SP8: variants seen among roughly 807,000 people sequenced by gnomAD.
SP8 encodes the protein Sp8 transcription factor.
SP8 carries 7 observed loss-of-function variants against 15.3 expected under a neutral mutation model. That is an observed-to-expected ratio of 0.46 (90% CI 0.26 to 0.86). The LOEUF (loss-of-function observed/expected upper bound fraction) is 0.86, where lower values mean the gene tolerates loss of function less well. Ranked by LOEUF, SP8 falls within the 40% of genes least tolerant of loss-of-function variation. The probability of loss-of-function intolerance (pLI) is 0.16; values close to 1 mark genes in which losing one functional copy is unlikely to be tolerated. For missense variants in SP8, 731 were observed against 736.4 expected, an observed-to-expected ratio of 0.99 and a Z score of 0.09; for synonymous variants, 415 against 356.3, an observed-to-expected ratio of 1.16 and a Z score of -1.86.
chr7:20,785,527 G>GGGGGCCCC lies in SP8; in HGVS notation c.289_290insGGGGCCCC (p.Ala97GlyfsTer183). 7.3e-7 allele frequency: 1 copy of GGGGGCCCC among 1,378,508 alleles called. No individual in the cohort carries two copies. Among genetic ancestry groups the GGGGGCCCC allele is most frequent in the Non-Finnish European group, 9.4e-7 (1 of 1,066,772 alleles). 85.4% of individuals were successfully genotyped at this position (1,378,508 alleles called of 1,614,324 possible). A position where few individuals can be genotyped will look rare whatever the true frequency, so the allele number is the denominator to read the frequency against. On this transcript the variant is annotated frameshift_variant, in exon 2 of 2. Coordinates refer to ENST00000418710, the MANE Select transcript of SP8 (RefSeq NM_182700.6). LOFTEE classifies it low-confidence loss of function (END_TRUNC). This position sits in a 1 kb window ranked among gnomAD's most constrained non-coding sequence, Gnocchi z 7.2. ...GAACGAGTCGGACACCAGGGCCGCG[G>GGGGGCCCC]CAGCCGCGGCTGCTGCCGCGGCCGC... is the stretch of plus-strand genomic sequence containing the variant.
In SP8 at chr7:20,786,512, A is replaced by T. The variant is rs190774204; in HGVS notation, c.21+266T>A. 6.6e-6 allele frequency among the ~76,000 whole-genome samples: 1 copy of T among 152,202 alleles called. No homozygotes were observed. The highest frequency in any genetic ancestry group is 1.5e-5 in the Non-Finnish European group (1 of 68,012). On this transcript the variant is annotated intron_variant, in intron 1 of 1. Coordinates refer to ENST00000418710, the MANE Select transcript of SP8 (RefSeq NM_182700.6). This position sits in a 1 kb window ranked among gnomAD's most constrained non-coding sequence, Gnocchi z 4.4. ...GGTGCCTGTAAAATGGGCTGGACGC[A>T]GGTCTCCCGGGCAGGGAGCAGCGAG...
In SP8 at chr7:20,786,814, T is replaced by A. The variant is rs774886132; in HGVS notation, c.-16A>T. 5 of 1,608,930 alleles carry A rather than the reference T, an allele frequency of 3.1e-6. No homozygotes were observed. The highest frequency in any genetic ancestry group is 4.3e-6 in the Non-Finnish European group (5 of 1,175,288). ...AAGTTGCCATCACACAAAAGTGCCC[T>A]CCTCCTCTCAGAGGATCTTTTTTAT... is the stretch of plus-strand genomic sequence containing the variant. On this transcript the variant is annotated 5_prime_UTR_variant, in exon 1 of 2. Transcript: ENST00000418710. The surrounding 1 kb of genome is among the most constrained non-coding windows in gnomAD (Gnocchi z 4.4).
Position 20,785,517 on chromosome 7 carries a change from C to T in SP8, c.300G>A (p.Leu100=), listed in dbSNP as rs1431061137. The T allele has an allele frequency of 4.1e-6, 6 of 1,461,346 alleles. No homozygotes were observed. In the East Asian group the frequency reaches 1.1e-4, roughly 26 times the overall value. 90.5% of individuals were successfully genotyped at this position (1,461,346 alleles called of 1,614,324 possible). The change falls in exon 2 of 2, where the codon CTG becomes CTA. Residue 100 remains leucine (L), a synonymous_variant. Coordinates refer to ENST00000418710, the MANE Select transcript of SP8 (RefSeq NM_182700.6). The surrounding 1 kb of genome is among the most constrained non-coding windows in gnomAD (Gnocchi z 7.2). ...CGCCGCAGCTGAACGAGTCGGACAC[C>T]AGGGCCGCGGCAGCCGCGGCTGCTG... ...AAAAAAAAAA[L]VSDSFSCGGS...
Position 20,786,793 on chromosome 7 carries a change from T to C in SP8, c.6A>G (p.Ala2=). 1 of 1,613,568 alleles carries C rather than the reference T, an allele frequency of 6.2e-7. No individual in the cohort carries two copies. Among genetic ancestry groups the C allele is most frequent in the Non-Finnish European group, 8.5e-7 (1 of 1,179,458 alleles). Residue 2 remains alanine, a synonymous_variant, in exon 1 of 2, where the codon GCA becomes GCG. Transcript: ENST00000418710. This position sits in a 1 kb window ranked among gnomAD's most constrained non-coding sequence, Gnocchi z 4.4. ...TGAGACTCACCCCTAGAAGTGAAGT[T>C]GCCATCACACAAAAGTGCCCTCCTC... M[A]TSLLGEEPRL... is the part of the protein sequence containing the mutation.
At position 20,782,379 on chromosome 7, in the gene SP8, G is replaced by A. The variant is rs573624528; in HGVS notation, c.*1911C>T. The A allele has an allele frequency of 1.3e-5, 2 of 152,632 alleles. No homozygotes were observed. The highest frequency in any genetic ancestry group is 4.1e-4 in the South Asian group (2 of 4,820). The allele number at this position is 152,632 out of a possible 1,614,324, so 9.5% of individuals were successfully genotyped here. On this transcript the variant is annotated 3_prime_UTR_variant, in exon 2 of 2. Coordinates refer to ENST00000418710, the MANE Select transcript of SP8 (RefSeq NM_182700.6). Reference sequence around the variant, plus strand: ...CAAATCTAAAATGCTCCAGAGAAAGGCTTTTCATTTCAATGTGAAATATCC... The same window carrying A: ...CAAATCTAAAATGCTCCAGAGAAAGACTTTTCATTTCAATGTGAAATATCC...
At position 20,784,831 on chromosome 7, in the gene SP8, G is replaced by A. The variant is rs1328910673; in HGVS notation, c.986C>T (p.Pro329Leu). Residue 329 changes from proline (P) to leucine (L), a missense_variant, in exon 2 of 2, where the codon CCT becomes CTT. Pro to Leu is a moderately conservative substitution (Grantham distance 98). Coordinates refer to ENST00000418710, the MANE Select transcript of SP8 (RefSeq NM_182700.6). Reference sequence around the variant, plus strand: ...CGGGGAGCCCCCCAGCGGCGCCGAAGGCCCAGCGCTCAACATGGAGCCCCC... The same window carrying A: ...CGGGGAGCCCCCCAGCGGCGCCGAAAGCCCAGCGCTCAACATGGAGCCCCC... Reference protein sequence around the residue: ...GAGGSMLSAGPSAPLGGSPRS... With the variant: ...GAGGSMLSAGLSAPLGGSPRS... The A allele has an allele frequency of 1.3e-6, 2 of 1,524,868 alleles. No individual in the cohort carries two copies. The highest frequency in any genetic ancestry group is 2.5e-5 in the East Asian group (1 of 39,600). The allele number at this position is 1,524,868 out of a possible 1,614,324, so 94.5% of individuals were successfully genotyped here. A position where few individuals can be genotyped will look rare whatever the true frequency, so the allele number is the denominator to read the frequency against.
chr7:20,784,315 G>T lies in SP8; in HGVS notation c.1502C>A (p.Pro501His). The change falls in exon 2 of 2, where the codon CCC (proline) becomes CAC (histidine). Residue 501 changes from proline (P) to histidine (H), a missense_variant. By Grantham distance (77) the Pro-to-His change is moderately conservative (BLOSUM62 -2). Transcript: ENST00000418710. ...TCACTCTAGGCCGTTGCGGTGCCCG[G>T]GCTCGGGGGGCTGCAGCAGCTCTGG... ...HSPELLQPPEPGHRNGLE is the reference protein window; with the variant it reads ...HSPELLQPPEHGHRNGLE The T allele has an allele frequency of 1.3e-6, 2 of 1,501,946 alleles. No homozygotes were observed. Among genetic ancestry groups the T allele is most frequent in the Non-Finnish European group, 1.8e-6 (2 of 1,132,774 alleles). 93.0% of individuals were successfully genotyped at this position (1,501,946 alleles called of 1,614,324 possible). A position where few individuals can be genotyped will look rare whatever the true frequency, so the allele number is the denominator to read the frequency against.
In SP8 at chr7:20,786,076, AAAC is replaced by A; in HGVS notation, c.22-284_22-282del. ...AGAGTTTGACAAGTATTCTCACCTA[AAAC>A]AACACTCTCTTGCACACAAAGCCCC... On this transcript the variant is annotated intron_variant, in intron 1 of 1. Coordinates refer to ENST00000418710, the MANE Select transcript of SP8 (RefSeq NM_182700.6). This position sits in a 1 kb window ranked among gnomAD's most constrained non-coding sequence, Gnocchi z 4.4. 1 of 1,260,706 alleles carries A rather than the reference AAAC, an allele frequency of 7.9e-7. No homozygotes were observed. Among genetic ancestry groups the A allele is most frequent in the South Asian group, 2.0e-5 (1 of 50,238 alleles). 78.1% of individuals were successfully genotyped at this position (1,260,706 alleles called of 1,614,324 possible).
chr7:20,785,799 CGAG>C lies in SP8; in HGVS notation c.22-7_22-5del, dbSNP rs770768556. ...TCGATCCCAACCTCGGTTCTTCCTG[CGAG>C]GAGGAGAGGAGAAGGAGTGGGGGAG... On this transcript the variant is annotated splice_polypyrimidine_tract_variant and splice_region_variant and intron_variant, in intron 1 of 1. Coordinates refer to ENST00000418710, the MANE Select transcript of SP8 (RefSeq NM_182700.6). This position sits in a 1 kb window ranked among gnomAD's most constrained non-coding sequence, Gnocchi z 7.2. The C allele has an allele frequency of 6.6e-6, 10 of 1,509,036 alleles. No homozygotes were observed. In the East Asian group the frequency reaches 1.5e-4, roughly 23 times the overall value. 93.5% of individuals were successfully genotyped at this position (1,509,036 alleles called of 1,614,324 possible). A position where few individuals can be genotyped will look rare whatever the true frequency, so the allele number is the denominator to read the frequency against.
At position 20,784,953 on chromosome 7, in the gene SP8, G is replaced by T; in HGVS notation, c.864C>A (p.His288Gln). The change falls in exon 2 of 2, where the codon CAC (histidine) becomes CAA (glutamine). Residue 288 changes from histidine to glutamine, a missense_variant. This residue lies in a region of SP8 where 586 missense variants were observed against 524.9 expected (regional missense o/e 1.12). Coordinates refer to ENST00000418710, the MANE Select transcript of SP8 (RefSeq NM_182700.6). ...GGTGCTGCCCGGCGGGGCTGAGCAG[G>T]TGCGAGGAGGCGCCGCTGCTGAAGG... Reference protein sequence around the residue: ...HSAFSSGASSHLLSPAGQHLM... With the variant: ...HSAFSSGASSQLLSPAGQHLM... 1.9e-6 allele frequency: 3 copies of T among 1,560,420 alleles called. No individual in the cohort carries two copies. The highest frequency in any genetic ancestry group is 2.6e-6 in the Non-Finnish European group (3 of 1,160,118).
At position 20,784,747 on chromosome 7, in the gene SP8, T is replaced by A; in HGVS notation, c.1070A>T (p.Glu357Val). 1 of 1,585,356 alleles carries A rather than the reference T, an allele frequency of 6.3e-7. No individual in the cohort carries two copies. ...RATCDCPNCQEAERLGPAGAS... is the reference protein window; with the variant it reads ...RATCDCPNCQVAERLGPAGAS... ...CCCGGCAGGGCCCAGCCGCTCTGCC[T>A]CCTGGCAGTTGGGGCAGTCGCAGGT... Residue 357 changes from glutamate to valine, a missense_variant, in exon 2 of 2, where the codon GAG (glutamate) becomes GTG (valine). Physicochemically the swap from Glu to Val is moderately radical, Grantham distance 121. Transcript: ENST00000418710.
In SP8 at chr7:20,785,660, G is replaced by T. The variant is rs1201638492; in HGVS notation, c.157C>A (p.Arg53Ser). The change falls in exon 2 of 2, where the codon CGC (arginine) becomes AGC (serine). Residue 53 changes from arginine to serine, a missense_variant. By Grantham distance (110) the Arg-to-Ser change is moderately radical. Transcript: ENST00000418710. This position sits in a 1 kb window ranked among gnomAD's most constrained non-coding sequence, Gnocchi z 7.2. The part of the protein sequence containing the change: ...SFGKGFHPWK[R>S]SSSSSSASCN... ...CTGGCGGAAGAAGAGGACGAGGAGC[G>T]TTTCCAGGGGTGGAAGCCTTTGCCG... is the stretch of plus-strand genomic sequence containing the variant. The T allele has an allele frequency of 1.2e-6, 2 of 1,613,912 alleles. No individual in the cohort carries two copies. The highest frequency in any genetic ancestry group is 8.5e-7 in the Non-Finnish European group (1 of 1,179,962).
chr7:20,785,827 G>T lies in SP8; in HGVS notation c.22-32C>A. 6.3e-7 allele frequency: 1 copy of T among 1,582,998 alleles called. No homozygotes were observed. The highest frequency in any genetic ancestry group is 1.1e-5 in the South Asian group (1 of 89,588). On this transcript the variant is annotated intron_variant, in intron 1 of 1. Transcript: ENST00000418710. This position sits in a 1 kb window ranked among gnomAD's most constrained non-coding sequence, Gnocchi z 7.2. ...GGAGGAGAGGAGAAGGAGTGGGGGA[G>T]GGGAGGTGGGCAAAGGGCCGGTGGG...
In SP8 at chr7:20,784,124, TACA is replaced by T. The variant is rs1783584061; in HGVS notation, c.*163_*165del. On this transcript the variant is annotated 3_prime_UTR_variant, in exon 2 of 2. Coordinates refer to ENST00000418710, the MANE Select transcript of SP8 (RefSeq NM_182700.6). ...GTTACTTACTTGTCCATATCCCCTT[TACA>T]AAGTTAAGTCACAGAAGGAAGAAGG... 1 of 639,192 alleles carries T rather than the reference TACA, an allele frequency of 1.6e-6. No individual in the cohort carries two copies. The highest frequency in any genetic ancestry group is 1.9e-5 in the African/African-American group (1 of 51,662). 39.6% of individuals were successfully genotyped at this position (639,192 alleles called of 1,614,324 possible).
Position 20,786,033 on chromosome 7 carries a change from C to G in SP8, c.22-238G>C. On this transcript the variant is annotated intron_variant, in intron 1 of 1. Transcript: ENST00000418710. This position sits in a 1 kb window ranked among gnomAD's most constrained non-coding sequence, Gnocchi z 4.4. The stretch of plus-strand genomic sequence containing the variant: ...TGGCTGCCGGCGTCTGATTCGGGAG[C>G]AAGCACCACGCTAAAGAAGAGTTTG... The G allele has an allele frequency of 7.2e-7, 1 of 1,393,434 alleles. No homozygotes were observed. Among genetic ancestry groups the G allele is most frequent in the Non-Finnish European group, 9.3e-7 (1 of 1,075,078 alleles). 86.3% of individuals were successfully genotyped at this position (1,393,434 alleles called of 1,614,324 possible).
chr7:20,785,202 C>T lies in SP8; in HGVS notation c.615G>A (p.Ser205=). The change falls in exon 2 of 2, where the codon TCG becomes TCA. Residue 205 remains serine, a synonymous_variant. Transcript: ENST00000418710. This position sits in a 1 kb window ranked among gnomAD's most constrained non-coding sequence, Gnocchi z 7.2. ...GGCCCGGGTGCGAGGGCTTAAACCA[C>T]GACTCGTACGGGTGCGCCATGCCCA... ...PRVGMAHPYE[S]WFKPSHPGLG... is the part of the protein sequence containing the mutation. 6.2e-7 allele frequency: 1 copy of T among 1,600,764 alleles called. No individual in the cohort carries two copies. Among genetic ancestry groups the T allele is most frequent in the Non-Finnish European group, 8.5e-7 (1 of 1,175,176 alleles).
rs1473149340 is a variant in SP8 at position 20,784,283 on chromosome 7, G to A, written c.*7C>T. The A allele has an allele frequency of 1.4e-6, 2 of 1,460,538 alleles. No individual in the cohort carries two copies. Among genetic ancestry groups the A allele is most frequent in the African/African-American group, 1.5e-5 (1 of 67,942 alleles). 90.5% of individuals were successfully genotyped at this position (1,460,538 alleles called of 1,614,324 possible). A position where few individuals can be genotyped will look rare whatever the true frequency, so the allele number is the denominator to read the frequency against. ...GGTCGGGGAGAGGGGCGGGCGCAGG[G>A]TGGGCGTCACTCTAGGCCGTTGCGG... is the stretch of plus-strand genomic sequence containing the variant. On this transcript the variant is annotated 3_prime_UTR_variant, in exon 2 of 2. Transcript: ENST00000418710.
rs1424109861 is a variant in SP8 at position 20,786,145 on chromosome 7, A to G, written c.22-350T>C. ...AACAAGCAAAAAGTCCAGATTGGAG[A>G]GGAAGGAAGTTTTCTTTGCCGAGAA... On this transcript the variant is annotated intron_variant, in intron 1 of 1. Transcript: ENST00000418710. The surrounding 1 kb of genome is among the most constrained non-coding windows in gnomAD (Gnocchi z 4.4). 8 of 587,984 alleles carry G rather than the reference A, an allele frequency of 1.4e-5. 1 individual carries two copies. The Admixed American group carries it at 3.6e-4, about 27-fold the overall frequency. 36.4% of individuals were successfully genotyped at this position (587,984 alleles called of 1,614,324 possible). A position where few individuals can be genotyped will look rare whatever the true frequency, so the allele number is the denominator to read the frequency against.
rs139443849 is a variant in SP8, at chr7:20,784,563, G to A, written c.1254C>T (p.Ser418=). The change falls in exon 2 of 2, where the codon TCC becomes TCT. Residue 418 remains serine (S), a synonymous_variant. Coordinates refer to ENST00000418710, the MANE Select transcript of SP8 (RefSeq NM_182700.6). ...WLFCGKRFTR[S]DELQRHLRTH... ...TCCGCAGGTGCCGCTGCAGCTCGTC[G>A]GAGCGCGTGAAGCGCTTGCCGCAGA... The A allele has an allele frequency of 7.5e-4, 1,203 of 1,599,460 alleles. 18 individuals carry two copies. The South Asian group carries it at 0.011, about 15-fold the overall frequency.
Sources: allele counts gnomAD v4.1 joint callset (sites outside exome capture counted in the v4.1 genomes callset), GRCh38; gene constraint gnomAD v4.1.1; regional missense constraint gnomAD v4.1.1; non-coding constraint Gnocchi (gnomAD v3.1); transcripts MANE v1.5; gene names NCBI Gene and HGNC (gene_info 2026-07-23, HGNC 2026-07-21).